PTPN11: variants seen among roughly 807,000 people sequenced by gnomAD.
PTPN11 encodes the protein protein tyrosine phosphatase non-receptor type 11, also known as tyrosine-protein phosphatase non-receptor type 11.
Under a neutral mutation model 78.8 loss-of-function variants are expected in PTPN11, and 6 were observed. The observed-to-expected ratio is 0.08, with a 90% confidence interval of 0.04 to 0.15. The LOEUF (loss-of-function observed/expected upper bound fraction) is 0.15. PTPN11 is among the 10% of genes least tolerant of loss of function. The pLI, the probability that PTPN11 is intolerant of heterozygous loss-of-function variation, is 1.00. For synonymous variants in PTPN11, 221 were observed against 263.5 expected, an observed-to-expected ratio of 0.84 and a Z score of 1.56; for missense variants, 386 against 744.8, an observed-to-expected ratio of 0.52 and a Z score of 5.61.
chr12:112,418,974 G>A lies in PTPN11; in HGVS notation c.-138G>A, dbSNP rs954071053. ...TCTCCGGGATCCCCAGGCCTGGAGG[G>A]GGGTCTGTGCGCGGCCGGCTGGCTC... On this transcript the variant is annotated 5_prime_UTR_variant, in exon 1 of 16. Coordinates refer to ENST00000351677, the MANE Select transcript of PTPN11 (RefSeq NM_002834.5). The A allele has an allele frequency of 2.3e-5, 24 of 1,045,346 alleles. No individual in the cohort carries two copies. The highest frequency in any genetic ancestry group is 2.8e-5 in the Non-Finnish European group (20 of 711,942). The allele number at this position is 1,045,346 out of a possible 1,614,324, so 64.8% of individuals were successfully genotyped here.
intron 9 of PTPN11, among the ~76,000 whole-genome samples, chr12:112,480,658 C>T (rs1278307666): frequency 6.6e-6 from 1 of 152,176 alleles, no homozygotes; most frequent in African/African-American, 2.4e-5. Flanking sequence ...CTGCGCCCAA[C>T]CAAGACCACA....
Position 112,446,351 on chromosome 12 carries a change from G to T in PTPN11, c.90G>T (p.Leu30Phe). ...CAAGAGGAGTTGATGGCAGTTTTTT[G>T]GCAAGGCCTAGTAAAAGTAACCCTG... ...LLTRGVDGSF[L>F]ARPSKSNPGD... The change falls in exon 2 of 16, where the codon TTG (leucine) becomes TTT (phenylalanine). Residue 30 changes from leucine to phenylalanine, a missense_variant. Physicochemically the swap from Leu to Phe is conservative, Grantham distance 22 (BLOSUM62 0). Coordinates refer to ENST00000351677, the MANE Select transcript of PTPN11 (RefSeq NM_002834.5). The T allele has an allele frequency of 6.2e-7, 1 of 1,614,068 alleles. No homozygotes were observed. The highest frequency in any genetic ancestry group is 8.5e-7 in the Non-Finnish European group (1 of 1,179,980).
At chr12:112,493,995 G>A (rs1017092117) in intron 13 of PTPN11, among the ~76,000 whole-genome samples, 1 of 152,178 alleles carries the variant, frequency 6.6e-6, no homozygotes, top group Admixed American at 6.5e-5. Flanking sequence ...GCTCATGCCT[G>A]TAATCCCAGC....
In PTPN11 at chr12:112,504,625, A is replaced by C; in HGVS notation, c.1713-70A>C. On this transcript the variant is annotated intron_variant, in intron 14 of 15. Transcript: ENST00000351677. The surrounding 1 kb of genome is among the most constrained non-coding windows in gnomAD (Gnocchi z 4.7). ...CCAAAGAATGTAGTATGTGTTTTAT[A>C]GATATCATGTAAGCTTAAACAGCGT... 2 of 1,129,586 alleles carry C rather than the reference A, an allele frequency of 1.8e-6. No homozygotes were observed. Among genetic ancestry groups the C allele is most frequent in the Non-Finnish European group, 2.6e-6 (2 of 758,574 alleles). The allele number at this position is 1,129,586 out of a possible 1,614,324, so 70.0% of individuals were successfully genotyped here.
intron 1 of PTPN11, among the ~76,000 whole-genome samples, chr12:112,432,825 A>C (rs1042382797): frequency 1.3e-5 from 2 of 151,890 alleles, no homozygotes; most frequent in Non-Finnish European, 2.9e-5. Context: ...AAAAAAAAAG[A>C]TTATGGTGGA....
At position 112,502,197 on chromosome 12, in the gene PTPN11, C is replaced by T. The variant is rs2135928776; in HGVS notation, c.1653C>T (p.Asp551=). The T allele has an allele frequency of 1.9e-6, 3 of 1,613,930 alleles. No homozygotes were observed. Among genetic ancestry groups the T allele is most frequent in the Non-Finnish European group, 2.5e-6 (3 of 1,179,870 alleles). ...EYTNIKYSLA[D]QTSGDQSPLP... ...CAAATATTAAGTATTCTCTAGCGGA[C>T]CAGACGAGTGGAGATCAGAGCCCTC... Residue 551 remains aspartate, a synonymous_variant, in exon 14 of 16, where the codon GAC becomes GAT. Coordinates refer to ENST00000351677, the MANE Select transcript of PTPN11 (RefSeq NM_002834.5).
chr12:112,479,209 G>T (rs1473650406), intron 9 of PTPN11, among the ~76,000 whole-genome samples: 2 of 151,894 alleles, frequency 1.3e-5, no homozygotes, highest in African/African-American at 2.4e-5. Flanking sequence ...AGATCTTATT[G>T]AGTGACAGCC....
chr12:112,498,051 G>C (rs1208054877), intron 13 of PTPN11, among the ~76,000 whole-genome samples: 3 of 152,102 alleles, frequency 2.0e-5, no homozygotes, highest in Non-Finnish European at 4.4e-5. Flanking sequence ...TACTTGGGAG[G>C]CTGAGGCATG....
At chr12:112,429,655 T>G (rs2037679344) in intron 1 of PTPN11, among the ~76,000 whole-genome samples, 1 of 151,022 alleles carries the variant, frequency 6.6e-6, no homozygotes, top group Non-Finnish European at 1.5e-5. Context: ...TACAGAAAAA[T>G]TAACTGGGTG....
intron 13 of PTPN11, among the ~76,000 whole-genome samples, chr12:112,497,749 C>T (rs7958372): frequency 0.22 from 34,178 of 152,016 alleles, 6,296 homozygotes; most frequent in East Asian, 0.85. Context: ...CCAGATTTTT[C>T]AGTTTGGAGG....
rs538274355 is a variant in PTPN11, at chr12:112,505,920, T to A, written c.*128T>A. 2 of 154,076 alleles carry A rather than the reference T, an allele frequency of 1.3e-5. No individual in the cohort carries two copies. The highest frequency in any genetic ancestry group is 2.4e-5 in the African/African-American group (1 of 41,458). 9.5% of individuals were successfully genotyped at this position (154,076 alleles called of 1,614,324 possible). On this transcript the variant is annotated 3_prime_UTR_variant, in exon 16 of 16. Transcript: ENST00000351677. ...TGGATTTGGAAGGCTTGCAATGTGG[T>A]TGACTACCTTTTGATAAGCAAAATT...
intron 2 of PTPN11, among the ~76,000 whole-genome samples, chr12:112,449,712 C>G (rs1049266121): frequency 1.3e-5 from 2 of 152,120 alleles, no homozygotes; most frequent in Non-Finnish European, 2.9e-5. Flanking sequence ...GTTTTGGTAG[C>G]TATACAGTTA....
chr12:112,482,347 A>G lies in PTPN11; in HGVS notation c.1224+142A>G. Reference sequence around the variant, plus strand: ...AGTAGCCATTTATTAGCTTCCTTCTATGTGCCAGGTACAGTTTAAGCAGTA... The same window carrying G: ...AGTAGCCATTTATTAGCTTCCTTCTGTGTGCCAGGTACAGTTTAAGCAGTA... On this transcript the variant is annotated intron_variant, in intron 10 of 15. Transcript: ENST00000351677. This position sits in a 1 kb window ranked among gnomAD's most constrained non-coding sequence, Gnocchi z 4.4. The G allele has an allele frequency of 1.0e-6, 1 of 974,392 alleles. No homozygotes were observed. 60.4% of individuals were successfully genotyped at this position (974,392 alleles called of 1,614,324 possible). A position where few individuals can be genotyped will look rare whatever the true frequency, so the allele number is the denominator to read the frequency against.
At chr12:112,463,567 T>G (rs2038281763) in intron 6 of PTPN11, among the ~76,000 whole-genome samples, 1 of 152,224 alleles carries the variant, frequency 6.6e-6, no homozygotes, top group South Asian at 2.1e-4. Flanking sequence ...CTGACTCTTC[T>G]GGCCATGGAA....
Position 112,508,960 on chromosome 12 carries a change from A to G in PTPN11, c.*3168A>G, listed in dbSNP as rs1402180842. On this transcript the variant is annotated 3_prime_UTR_variant, in exon 16 of 16. Coordinates refer to ENST00000351677, the MANE Select transcript of PTPN11 (RefSeq NM_002834.5). ...ATTGGGGATTTTAAGAACTAATAAC[A>G]TCTTGAGTTATTTTTAATTCAGGGG... 1 of 152,236 alleles carries G rather than the reference A, an allele frequency of 6.6e-6. No homozygotes were observed. Among genetic ancestry groups the G allele is most frequent in the Non-Finnish European group, 1.5e-5 (1 of 68,040 alleles). The allele number at this position is 152,236 out of a possible 1,614,324, so 9.4% of individuals were successfully genotyped here.
intron 9 of PTPN11, among the ~76,000 whole-genome samples, chr12:112,479,276 A>C (rs762591857): frequency 1.3e-5 from 2 of 152,072 alleles, no homozygotes; most frequent in Non-Finnish European, 2.9e-5. Context: ...AATATGGAAA[A>C]GTTCTGTGTT....
chr12:112,432,320 A>C (rs2037725490), intron 1 of PTPN11, among the ~76,000 whole-genome samples: 1 of 152,188 alleles, frequency 6.6e-6, no homozygotes, highest in Non-Finnish European at 1.5e-5. Context: ...GTCATTTGCC[A>C]CATAATGATG....
chr12:112,486,760 A>G (rs1419109149), intron 11 of PTPN11, 131 bp downstream of exon 11: 2 of 1,519,492 alleles, frequency 1.3e-6, no homozygotes, highest in African/African-American at 2.8e-5. Flanking sequence ...GGCATAGAGC[A>G]ACTGCATTGA....
rs947730899 is a variant in PTPN11 at position 112,482,905 on chromosome 12, T to G, written c.1224+700T>G. Among the ~76,000 whole-genome samples, 1 of 152,128 alleles carries G rather than the reference T, an allele frequency of 6.6e-6. No homozygotes were observed. The highest frequency in any genetic ancestry group is 1.5e-5 in the Non-Finnish European group (1 of 68,014). On this transcript the variant is annotated intron_variant, in intron 10 of 15. Coordinates refer to ENST00000351677, the MANE Select transcript of PTPN11 (RefSeq NM_002834.5). This position sits in a 1 kb window ranked among gnomAD's most constrained non-coding sequence, Gnocchi z 4.4. ...TGATGTGGGCAGTGATTTGTTTTCTTCTGGATGTGTTCAGCTGGGCATCTG... is the reference window on the plus strand; with the variant it reads ...TGATGTGGGCAGTGATTTGTTTTCTGCTGGATGTGTTCAGCTGGGCATCTG...
Sources: allele counts gnomAD v4.1 joint callset (sites outside exome capture counted in the v4.1 genomes callset), GRCh38; gene constraint gnomAD v4.1.1; non-coding constraint Gnocchi (gnomAD v3.1); transcripts MANE v1.5; gene names NCBI Gene and HGNC (gene_info 2026-07-23, HGNC 2026-07-21).